The following CFAP65 variants were observed in gnomAD, a reference collection of about 807,000 sequenced individuals.
The protein encoded by CFAP65 is cilia- and flagella-associated protein 65.
A neutral mutation model predicts 208.0 loss-of-function variants in CFAP65; 155 were observed. The ratio of observed to expected loss-of-function variants is 0.75; its 90% CI spans 0.65 to 0.85. The LOEUF is 0.85. CFAP65 is among the 40% of genes least tolerant of loss of function. The pLI is 0.00. For missense variants in CFAP65, 2,294 were observed against 2,451.3 expected, an observed-to-expected ratio of 0.94 and a Z score of 1.36; for synonymous variants, 970 against 986.3, an observed-to-expected ratio of 0.98 and a Z score of 0.31.
intron 24 of CFAP65, among the ~76,000 whole-genome samples, chr2:219,012,546 C>T (rs1437258894): frequency 6.6e-6 from 1 of 152,246 alleles, no homozygotes; most frequent in Non-Finnish European, 1.5e-5. Context: ...CTCAGAAACA[C>T]ATGGGCTTCT....
At chr2:219,021,123 C>T (rs375333432) in intron 19 of CFAP65, 29 bp downstream of exon 19, 27 of 1,481,546 alleles carry the variant, frequency 1.8e-5, no homozygotes, top group South Asian at 8.8e-5. Flanking sequence ...TCCCCGGCCC[C>T]GACTCTCTAT....
intron 3 of CFAP65, 45 bp from the exon 4 acceptor site, chr2:219,038,623 AAG>A: frequency 6.5e-7 from 1 of 1,546,976 alleles, no homozygotes; most frequent in Non-Finnish European, 8.9e-7. Context: ...TGACATGAGA[AAG>A]AGAGGCTGAG....
In CFAP65 at chr2:219,021,276, C is replaced by A; in HGVS notation, c.3135G>T (p.Leu1045=). The A allele has an allele frequency of 6.3e-7, 1 of 1,588,200 alleles. No individual in the cohort carries two copies. The highest frequency in any genetic ancestry group is 8.6e-7 in the Non-Finnish European group (1 of 1,166,734). The change falls in exon 19 of 35, where the codon CTG becomes CTT. Residue 1045 remains leucine, a synonymous_variant. Coordinates refer to ENST00000341552, the MANE Select transcript of CFAP65 (RefSeq NM_194302.4). ...PEAVDNHPLA[L]QLDRTEGSMP... ...TGCTCCCCTCTGTTCGGTCCAGCTG[C>A]AGAGCTGCTCAGGGATGATGCCGGA...
At chr2:219,005,135 C>T (rs569614590) in intron 32 of CFAP65, among the ~76,000 whole-genome samples, 10 of 152,186 alleles carry the variant, frequency 6.6e-5, no homozygotes, top group South Asian at 2.1e-4. Context: ...AAGCAATCCT[C>T]GCACCTCAGC....
intron 14 of CFAP65, among the ~76,000 whole-genome samples, chr2:219,025,075 G>A (rs1263524290): frequency 6.6e-6 from 1 of 152,204 alleles, no homozygotes; most frequent in Non-Finnish European, 1.5e-5. Flanking sequence ...TGAGAGCTGA[G>A]CAGGCTGCAA....
intron 28 of CFAP65, 71 bp from the exon 29 acceptor site, chr2:219,009,225 T>G: frequency 6.7e-7 from 1 of 1,495,410 alleles, no homozygotes; most frequent in Middle Eastern, 1.8e-4. Context: ...GTGAGCCCTC[T>G]CCCTTCCAAG....
chr2:219,018,998 A>T (rs1172055083), intron 21 of CFAP65, 53 bp downstream of exon 21: 1 of 1,611,840 alleles, frequency 6.2e-7, no homozygotes, highest in Non-Finnish European at 8.5e-7. Context: ...GTTCTCCTTC[A>T]GCCTCTAGGC....
chr2:219,007,737 A>T (rs1259417457), intron 29 of CFAP65, among the ~76,000 whole-genome samples: 1 of 152,108 alleles, frequency 6.6e-6, no homozygotes, highest in African/African-American at 2.4e-5. Flanking sequence ...TAGGCACTTC[A>T]CTGGTATTAA....
chr2:219,028,457 G>A lies in CFAP65; in HGVS notation c.1651-56C>T, dbSNP rs10187743. The A allele has an allele frequency of 9.8e-4, 1,427 of 1,463,026 alleles. 15 individuals are homozygous for A. The African/African-American group carries it at 0.018, about 18-fold the overall frequency. The allele number at this position is 1,463,026 out of a possible 1,614,324, so 90.6% of individuals were successfully genotyped here. A position where few individuals can be genotyped will look rare whatever the true frequency, so the allele number is the denominator to read the frequency against. On this transcript the variant is annotated intron_variant, in intron 11 of 34. Coordinates refer to ENST00000341552, the MANE Select transcript of CFAP65 (RefSeq NM_194302.4). ...TGGGAGGGGTGGTAGGGCAAGGGGG[G>A]TGCTGGGGGTTGAACTGAGGACAGA...
chr2:219,021,847 G>A lies in CFAP65; in HGVS notation c.3063C>T (p.Asn1021=). The stretch of plus-strand genomic sequence containing the variant: ...GGTAGAGGCGGTAATAGAGGGTGCA[G>A]TTGCCGTCATTCAGGAGGACAAGGA... ...SRFLVLLNDG[N]CTLYYRLYLE... The change falls in exon 18 of 35, where the codon AAC becomes AAT. Residue 1021 remains asparagine, a synonymous_variant. Transcript: ENST00000341552. 1 of 1,613,834 alleles carries A rather than the reference G, an allele frequency of 6.2e-7. No homozygotes were observed. The highest frequency in any genetic ancestry group is 8.5e-7 in the Non-Finnish European group (1 of 1,180,002).
At chr2:219,014,091 C>G in intron 21 of CFAP65, 47 bp from the exon 22 acceptor site, 1 of 1,523,726 alleles carries the variant, frequency 6.6e-7, no homozygotes, top group Non-Finnish European at 8.9e-7. Context: ...TCAGGCAGAA[C>G]AGAGAGGCAG....
In CFAP65 at chr2:219,021,785, G is replaced by A; in HGVS notation, c.3125C>T (p.Pro1042Leu). 6.2e-7 allele frequency: 1 copy of A among 1,613,496 alleles called. No individual in the cohort carries two copies. The highest frequency in any genetic ancestry group is 8.5e-7 in the Non-Finnish European group (1 of 1,179,958). The change falls in exon 18 of 35, where the codon CCC becomes CTC. Residue 1042 changes from proline to leucine, a missense_variant. Physicochemically the swap from Pro to Leu is moderately conservative, Grantham distance 98. This residue lies in a region of CFAP65 where 1,427 missense variants were observed against 1,438.7 expected (regional missense o/e 0.99). Transcript: ENST00000341552. ...QGSPEAVDNH[P>L]LALQLDRTEG... Reference sequence around the variant, plus strand: ...CCCAGCTCAGGCCCAAGTACCGAGGGGGTGGTTGTCAACGGCCTCAGGGCT... The same window carrying A: ...CCCAGCTCAGGCCCAAGTACCGAGGAGGTGGTTGTCAACGGCCTCAGGGCT...
rs111754358 is a variant in CFAP65 at position 219,029,652 on chromosome 2, C to T, written c.1401G>A (p.Leu467=). ...VGFCRGPAVS[L]QHYCVNFSWV... is the part of the protein sequence containing the mutation. ...AGCTGAAGTTGACACAGTAGTGCTGCAGGGACACAGCAGGGCCTGGACACA... is the reference window on the plus strand; with the variant it reads ...AGCTGAAGTTGACACAGTAGTGCTGTAGGGACACAGCAGGGCCTGGACACA... Residue 467 remains leucine, a synonymous_variant, in exon 11 of 35, where the codon CTG becomes CTA. Coordinates refer to ENST00000341552, the MANE Select transcript of CFAP65 (RefSeq NM_194302.4). 1.7e-5 allele frequency: 27 copies of T among 1,614,014 alleles called. No homozygotes were observed. Among genetic ancestry groups the T allele is most frequent in the African/African-American group, 1.5e-4 (11 of 75,040 alleles).
intron 12 of CFAP65, 48 bp from the exon 13 acceptor site, chr2:219,028,057 G>T (rs1487438545): frequency 1.3e-6 from 2 of 1,522,058 alleles, no homozygotes; most frequent in East Asian, 2.3e-5. Context: ...CATTCCTCTT[G>T]CTGTTGCCCC....
At chr2:219,005,320 C>G in intron 32 of CFAP65, 114 bp downstream of exon 32, 1 of 1,416,526 alleles carries the variant, frequency 7.1e-7, no homozygotes, top group Admixed American at 1.8e-5. Context: ...ACCTCCATGC[C>G]CCACCAAGTT....
chr2:219,009,520 A>G, intron 27 of CFAP65, 60 bp from the exon 28 acceptor site: 1 of 1,148,782 alleles, frequency 8.7e-7, no homozygotes, highest in South Asian at 1.2e-5. Flanking sequence ...ATAGGATGGC[A>G]CGGAATAGGA....
chr2:219,040,281 T>C (rs1948591116), intron 2 of CFAP65, among the ~76,000 whole-genome samples: 1 of 152,222 alleles, frequency 6.6e-6, no homozygotes, highest in Non-Finnish European at 1.5e-5. Context: ...AACAATTTCA[T>C]GATCACCCTT....
rs1279054271 is a variant in CFAP65 at position 219,019,197 on chromosome 2, A to G, written c.3474-18T>C. On this transcript the variant is annotated intron_variant, in intron 20 of 34. Transcript: ENST00000341552. Reference sequence around the variant, plus strand: ...GGCTCATGCTGTGAGGAACAGAGAAAGGGGTTCAGAGATGGGGATGGGGCC... The same window carrying G: ...GGCTCATGCTGTGAGGAACAGAGAAGGGGGTTCAGAGATGGGGATGGGGCC... 1 of 1,601,334 alleles carries G rather than the reference A, an allele frequency of 6.2e-7. No homozygotes were observed. The highest frequency in any genetic ancestry group is 8.5e-7 in the Non-Finnish European group (1 of 1,172,398).
At chr2:219,035,153 G>A in intron 5 of CFAP65, 2 of 566,294 alleles carry the variant, frequency 3.5e-6, no homozygotes, top group East Asian at 3.2e-5. Flanking sequence ...AGCCTTCATA[G>A]TACCTGGTAT....
Sources: gnomAD v4.1 joint callset for allele counts (sites outside exome capture counted in the v4.1 genomes callset) on GRCh38, gnomAD v4.1.1 for gene constraint, gnomAD v4.1.1 regional missense constraint, MANE v1.5 for transcripts, NCBI Gene and HGNC (gene_info 2026-07-23, HGNC 2026-07-21) for gene names.